Variants in CHRM3 observed in about 807,000 individuals in gnomAD.
CHRM3 encodes muscarinic acetylcholine receptor M3.
Under a neutral mutation model 41.8 loss-of-function variants are expected in CHRM3, and 11 were observed. The observed-to-expected ratio is 0.26, with a 90% CI of 0.17 to 0.44. The LOEUF (loss-of-function observed/expected upper bound fraction) is 0.44, where lower values mean the gene tolerates loss of function less well. Among genes scored for constraint, CHRM3 ranks in the 20% least tolerant of loss-of-function variants. The pLI, the probability that CHRM3 is intolerant of heterozygous loss-of-function variation, is 1.00. For synonymous variants in CHRM3, 297 were observed against 301.4 expected (o/e 0.99, Z 0.15); for missense variants, 571 against 745.4 (o/e 0.77, Z 2.72).
chr1:239,682,641 A>G (rs966873484), intron 5 of CHRM3, among the ~76,000 whole-genome samples: 10 of 152,182 alleles, frequency 6.6e-5, no homozygotes, highest in African/African-American at 2.4e-4. Flanking sequence ...ATTCATTAAA[A>G]AAAAAACTGA....
intron 3 of CHRM3, among the ~76,000 whole-genome samples, chr1:239,584,533 T>G (rs1277467679): frequency 6.6e-6 from 1 of 152,130 alleles, no homozygotes; most frequent in Admixed American, 6.6e-5. Context: ...ATTCAAATAT[T>G]TTAAGTAGTG....
chr1:239,682,604 C>T (rs1034099736), intron 5 of CHRM3, among the ~76,000 whole-genome samples: 31 of 150,884 alleles, frequency 2.1e-4, no homozygotes, highest in Non-Finnish European at 1.5e-4. Flanking sequence ...AGAGAGTTTC[C>T]GTAAAACTGA....
intron 2 of CHRM3, among the ~76,000 whole-genome samples, chr1:239,498,115 ACAGT>A (rs543852376): frequency 1.7e-3 from 264 of 152,280 alleles, no homozygotes; most frequent in African/African-American, 5.3e-3. Flanking sequence ...GCGGGAACTG[ACAGT>A]CAAAGACAGA....
At position 239,432,984 on chromosome 1, in the gene CHRM3, C is replaced by T. The variant is rs190856758; in HGVS notation, c.-521+45757C>T. On this transcript the variant is annotated intron_variant, in intron 1 of 6. Coordinates refer to ENST00000676153, the MANE Select transcript of CHRM3 (RefSeq NM_001375978.1). ...ACACATTTCCAGTCTTGACTTTTTC[C>T]CCTACAACTTTAGCTATCACTTCAC... 4.6e-5 allele frequency among the ~76,000 whole-genome samples: 7 copies of T among 152,126 alleles called. No homozygotes were observed. In the East Asian group the frequency reaches 1.4e-3, roughly 29 times the overall value.
At chr1:239,559,285 T>TGGGTTCATCA (rs761460839) in intron 3 of CHRM3, among the ~76,000 whole-genome samples, 39 of 152,180 alleles carry the variant, frequency 2.6e-4, no homozygotes, top group Non-Finnish European at 7.3e-5. Flanking sequence ...TCATATTTCT[T>TGGGTTCATCA]GGGTTCATCA....
At chr1:239,555,765 G>C (rs1345965059) in intron 3 of CHRM3, among the ~76,000 whole-genome samples, 1 of 152,242 alleles carries the variant, frequency 6.6e-6, no homozygotes, top group African/African-American at 2.4e-5. Flanking sequence ...TCACAAAGCT[G>C]TAATGCTGCC....
chr1:239,393,756 G>T (rs938478979), intron 1 of CHRM3, among the ~76,000 whole-genome samples: 3 of 152,138 alleles, frequency 2.0e-5, no homozygotes, highest in Non-Finnish European at 2.9e-5. Context: ...CTGAATACTA[G>T]TGGCACTCAC....
intron 3 of CHRM3, among the ~76,000 whole-genome samples, chr1:239,611,571 T>TCCAC (rs1667053746): frequency 1.3e-5 from 2 of 151,826 alleles, no homozygotes; most frequent in Non-Finnish European, 2.9e-5. Context: ...CAGGCATGCG[T>TCCAC]CACCATGCCC....
chr1:239,576,269 A>ACC (rs777139499), intron 3 of CHRM3, among the ~76,000 whole-genome samples: 2 of 125,316 alleles, frequency 1.6e-5, no homozygotes, highest in East Asian at 3.2e-4. Context: ...TCTACTCCCT[A>ACC]CCCACCCCCA....
At chr1:239,588,741 GT>G (rs2148623739) in intron 3 of CHRM3, among the ~76,000 whole-genome samples, 1 of 152,234 alleles carries the variant, frequency 6.6e-6, no homozygotes, top group Admixed American at 6.5e-5. Flanking sequence ...TACAACTTGT[GT>G]TTCTGTGGAG....
chr1:239,663,110 G>C (rs1484139578), intron 4 of CHRM3, among the ~76,000 whole-genome samples: 1 of 151,826 alleles, frequency 6.6e-6, no homozygotes, highest in Non-Finnish European at 1.5e-5. Flanking sequence ...AGTCGGGGCT[G>C]TCCCGGTGCC....
At chr1:239,862,704 C>G (rs1675739754) in intron 6 of CHRM3, among the ~76,000 whole-genome samples, 1 of 152,170 alleles carries the variant, frequency 6.6e-6, no homozygotes, top group African/African-American at 2.4e-5. Context: ...GACTCCCAGT[C>G]TGCTTCATAA....
intron 6 of CHRM3, among the ~76,000 whole-genome samples, chr1:239,837,175 G>A (rs540242581): frequency 7.9e-5 from 12 of 152,246 alleles, no homozygotes; most frequent in African/African-American, 2.2e-4. Context: ...TGTTTCTCAC[G>A]ATGTGTGAGG....
intron 5 of CHRM3, among the ~76,000 whole-genome samples, chr1:239,804,475 G>A (rs1446243781): frequency 6.6e-6 from 1 of 152,114 alleles, no homozygotes; most frequent in Non-Finnish European, 1.5e-5. Flanking sequence ...GAGCTACATT[G>A]TTTCCGCTCT....
At chr1:239,508,554 C>T (rs980986739) in intron 2 of CHRM3, among the ~76,000 whole-genome samples, 2 of 152,126 alleles carry the variant, frequency 1.3e-5, no homozygotes, top group African/African-American at 4.8e-5. Flanking sequence ...TTAATCTCTT[C>T]CTCAACTCAT....
At chr1:239,605,725 C>T (rs1266659410) in intron 3 of CHRM3, among the ~76,000 whole-genome samples, 1 of 152,068 alleles carries the variant, frequency 6.6e-6, no homozygotes, top group Non-Finnish European at 1.5e-5. Flanking sequence ...TCTCTGTGTC[C>T]TCCATCAAGA....
intron 3 of CHRM3, among the ~76,000 whole-genome samples, chr1:239,596,314 T>C (rs888700065): frequency 6.6e-6 from 1 of 152,020 alleles, no homozygotes; most frequent in Non-Finnish European, 1.5e-5. Context: ...AACATGGAGG[T>C]GGAAGAAAAG....
intron 5 of CHRM3, among the ~76,000 whole-genome samples, chr1:239,735,123 A>G (rs149898407): frequency 6.6e-6 from 1 of 152,308 alleles, no homozygotes; most frequent in East Asian, 1.9e-4. Flanking sequence ...ACTTTATCAT[A>G]AAATCAATGT....
At chr1:239,615,216 G>T (rs945679559) in intron 3 of CHRM3, among the ~76,000 whole-genome samples, 2 of 152,196 alleles carry the variant, frequency 1.3e-5, no homozygotes, top group Non-Finnish European at 2.9e-5. Context: ...TACACTTTAT[G>T]TATGCTACTT....
Sources: gnomAD v4.1 joint callset for allele counts (sites outside exome capture counted in the v4.1 genomes callset) on GRCh38, gnomAD v4.1.1 for gene constraint, MANE v1.5 for transcripts, NCBI Gene and HGNC (gene_info 2026-07-23, HGNC 2026-07-21) for gene names.